Variants in QRICH1 observed in about 807,000 individuals in gnomAD.
QRICH1 encodes glutamine rich 1.
Under a neutral mutation model 87.1 loss-of-function variants are expected in QRICH1, and 16 were observed. The ratio of observed to expected loss-of-function variants is 0.18; its 90% confidence interval spans 0.12 to 0.28. The LOEUF (loss-of-function observed/expected upper bound fraction) is 0.28, where lower values mean the gene tolerates loss of function less well. Among genes scored for constraint, QRICH1 ranks in the 10% least tolerant of loss-of-function variants. QRICH1 has a pLI of 1.00. For synonymous variants in QRICH1, 367 were observed against 368.4 expected (o/e 1.00, Z 0.05); for missense variants, 647 against 951.7 (o/e 0.68, Z 4.21).
At chr3:49,073,607 T>C (rs968510516) in intron 2 of QRICH1, among the ~76,000 whole-genome samples, 6 of 151,966 alleles carry the variant, frequency 3.9e-5, no homozygotes, top group African/African-American at 1.4e-4. Context: ...TTTCAGAAAG[T>C]TTATCATCAA....
At chr3:49,078,386 CTTTTTTTTTTTTTTTTT>C (rs60933196) in intron 1 of QRICH1, among the ~76,000 whole-genome samples, 1 of 69,826 alleles carries the variant, frequency 1.4e-5, no homozygotes, top group Non-Finnish European at 2.5e-5. Flanking sequence ...ATTATGGTTC[CTTTTTTTTTTTTTTTTT>C]TTTTTTTTTG....
chr3:49,053,864 G>A (rs2093386157), intron 3 of QRICH1, among the ~76,000 whole-genome samples: 1 of 152,078 alleles, frequency 6.6e-6, no homozygotes, highest in African/African-American at 2.4e-5. Context: ...CTCCCCTTAG[G>A]GTTCAACTTG....
intron 2 of QRICH1, among the ~76,000 whole-genome samples, chr3:49,073,927 G>A (rs768906760): frequency 2.2e-4 from 33 of 152,016 alleles, no homozygotes; most frequent in Non-Finnish European, 1.3e-4. Context: ...GGGACTACAA[G>A]TACATACCAT....
intron 6 of QRICH1, among the ~76,000 whole-genome samples, chr3:49,037,418 AG>A (rs2093282407): frequency 6.6e-6 from 1 of 152,166 alleles, no homozygotes; most frequent in South Asian, 2.1e-4. Context: ...GACAAAAGGG[AG>A]GGGGGCAATT....
Position 49,060,322 on chromosome 3 carries a change from T to C in QRICH1, c.310-2432A>G, listed in dbSNP as rs189170721. Among the ~76,000 whole-genome samples the C allele has an allele frequency of 7.7e-3, 1,169 of 151,926 alleles. 12 individuals carry two copies. The highest frequency in any genetic ancestry group is 0.027 in the African/African-American group (1,115 of 41,410). On this transcript the variant is annotated intron_variant, in intron 2 of 9. Transcript: ENST00000395443. ...CATTCTCCTGCCTCAGCCTCCCAAG[T>C]AGCTGGGACCACAGGCACCCGCCAC...
Position 49,057,011 on chromosome 3 carries a change from C to G in QRICH1, c.1189G>C (p.Val397Leu). 6.2e-7 allele frequency: 1 copy of G among 1,614,218 alleles called. No individual in the cohort carries two copies. The highest frequency in any genetic ancestry group is 8.5e-7 in the Non-Finnish European group (1 of 1,180,048). Reference sequence around the variant, plus strand: ...GTGCCTGCCACAGCCTGCACAGCCACTGGAATGTGGATGTTGCCATTCATG... The same window carrying G: ...GTGCCTGCCACAGCCTGCACAGCCAGTGGAATGTGGATGTTGCCATTCATG... ...QFMNGNIHIP[V>L]AVQAVAGTYQ... Residue 397 changes from valine to leucine, a missense_variant, in exon 3 of 10, where the codon GTG becomes CTG. Val to Leu is a conservative substitution (Grantham distance 32). Around this residue, in one of 7 missense-constraint regions of QRICH1, gnomAD observed 115 missense variants for 126.8 expected, o/e 0.91. Transcript: ENST00000395443. The surrounding 1 kb of genome is among the most constrained non-coding windows in gnomAD (Gnocchi z 5.4).
intron 6 of QRICH1, among the ~76,000 whole-genome samples, chr3:49,042,273 T>G (rs1207161117): frequency 6.6e-6 from 1 of 151,692 alleles, no homozygotes; most frequent in Non-Finnish European, 1.5e-5. Flanking sequence ...AATTTTTTTG[T>G]ATTTTTTAGT....
intron 9 of QRICH1, among the ~76,000 whole-genome samples, chr3:49,030,980 A>C (rs955939658): frequency 1.4e-5 from 2 of 147,994 alleles, no homozygotes; most frequent in Non-Finnish European, 3.0e-5. Flanking sequence ...GTCTATCTCC[A>C]AGTCTTTGCG....
intron 1 of QRICH1, among the ~76,000 whole-genome samples, chr3:49,081,540 A>G (rs933831412): frequency 6.6e-6 from 1 of 151,984 alleles, no homozygotes; most frequent in African/African-American, 2.4e-5. Context: ...TTATTCTATC[A>G]CCCAGGATGG....
At chr3:49,065,892 C>T (rs2093465639) in intron 2 of QRICH1, among the ~76,000 whole-genome samples, 1 of 152,148 alleles carries the variant, frequency 6.6e-6, no homozygotes, top group Non-Finnish European at 1.5e-5. Context: ...ACCGTGTTAG[C>T]CAGGATGGTC....
intron 3 of QRICH1, among the ~76,000 whole-genome samples, chr3:49,056,033 T>C (rs1381551091): frequency 5.9e-5 from 9 of 151,980 alleles, no homozygotes; most frequent in Non-Finnish European, 1.0e-4. Context: ...TGGAATGCAA[T>C]GGCGCAATCT....
intron 2 of QRICH1, among the ~76,000 whole-genome samples, chr3:49,063,953 C>G (rs988669403): frequency 2.6e-5 from 4 of 152,132 alleles, no homozygotes; most frequent in Non-Finnish European, 4.4e-5. Flanking sequence ...GTTGCCCTGG[C>G]TGGAGTGCAA....
At chr3:49,053,487 A>AG (rs2093383918) in intron 3 of QRICH1, among the ~76,000 whole-genome samples, 1 of 6,102 alleles carries the variant, frequency 1.6e-4, no homozygotes, top group South Asian at 0.022. Flanking sequence ...CCCCTGTCTC[A>AG]AAAAAAAAAA....
At chr3:49,033,473 C>T (rs1559922871) in intron 6 of QRICH1, 1 of 339,274 alleles carries the variant, frequency 2.9e-6, no homozygotes, top group Non-Finnish European at 5.3e-6. Flanking sequence ...CACAGCCTTA[C>T]ATGATTGTTG....
chr3:49,051,467 C>T (rs975772561), intron 3 of QRICH1, among the ~76,000 whole-genome samples: 1 of 151,464 alleles, frequency 6.6e-6, no homozygotes, highest in Non-Finnish European at 1.5e-5. Flanking sequence ...CCTCTATAGA[C>T]CCACTTCTCA....
At chr3:49,046,612 C>G in intron 4 of QRICH1, 33 bp from the exon 5 acceptor site, 4 of 1,606,034 alleles carry the variant, frequency 2.5e-6, no homozygotes, top group Non-Finnish European at 3.4e-6. Context: ...GAATGAAGGT[C>G]CTGGGGGTCC....
chr3:49,084,360 A>G (rs1421479801), intron 1 of QRICH1, among the ~76,000 whole-genome samples: 1 of 151,460 alleles, frequency 6.6e-6, no homozygotes, highest in African/African-American at 2.4e-5. Context: ...GGTTCAAGCA[A>G]TTCTCCTGCC....
chr3:49,090,286 C>T (rs1225869533), intron 1 of QRICH1, among the ~76,000 whole-genome samples: 1 of 152,144 alleles, frequency 6.6e-6, no homozygotes, highest in Non-Finnish European at 1.5e-5. Context: ...GGTGAAACCC[C>T]GTCTCTACTA....
At chr3:49,089,909 T>C (rs1276175831) in intron 1 of QRICH1, among the ~76,000 whole-genome samples, 3 of 152,236 alleles carry the variant, frequency 2.0e-5, no homozygotes, top group Non-Finnish European at 2.9e-5. Flanking sequence ...CATCGTTTTA[T>C]TTCTTGAAAA....
Sources: allele counts gnomAD v4.1 joint callset (sites outside exome capture counted in the v4.1 genomes callset), GRCh38; gene constraint gnomAD v4.1.1; regional missense constraint gnomAD v4.1.1; non-coding constraint Gnocchi (gnomAD v3.1); transcripts MANE v1.5; gene names NCBI Gene and HGNC (gene_info 2026-07-23, HGNC 2026-07-21).